Variants in ATP2B2 observed in about 807,000 individuals in gnomAD.
The protein encoded by ATP2B2 is ATPase plasma membrane Ca2+ transporting 2.
Under a neutral mutation model 120.0 loss-of-function variants are expected in ATP2B2, and 15 were observed. The ratio of observed to expected loss-of-function variants is 0.12; its 90% confidence interval spans 0.08 to 0.19. The LOEUF is 0.19. ATP2B2 is among the 10% of genes least tolerant of loss of function. ATP2B2 has a pLI of 1.00. For missense variants in ATP2B2, 1,045 were observed against 1,719.8 expected (o/e 0.61, Z 6.94); for synonymous variants, 694 against 700.3 (o/e 0.99, Z 0.14).
chr3:10,364,003 A>G (rs2060973335), intron 12 of ATP2B2, among the ~76,000 whole-genome samples: 1 of 152,246 alleles, frequency 6.6e-6, no homozygotes, highest in South Asian at 2.1e-4. Flanking sequence ...AGATGAATGG[A>G]TAAACAAAAT....
At chr3:10,658,662 A>G (rs1414292259) in intron 1 of ATP2B2, among the ~76,000 whole-genome samples, 1 of 152,164 alleles carries the variant, frequency 6.6e-6, no homozygotes, top group Non-Finnish European at 1.5e-5. Flanking sequence ...CAAGTTGGAA[A>G]ACACTCTTCA....
intron 22 of ATP2B2, among the ~76,000 whole-genome samples, chr3:10,333,073 G>A (rs1444781366): frequency 6.6e-6 from 1 of 152,174 alleles, no homozygotes; most frequent in African/African-American, 2.4e-5. Context: ...TTCATCTTGC[G>A]GTGGTGCCGT....
chr3:10,379,522 G>T (rs2061473262), intron 8 of ATP2B2, among the ~76,000 whole-genome samples: 1 of 152,186 alleles, frequency 6.6e-6, no homozygotes. Context: ...GGACTCAGGA[G>T]GGAGGTTTCT....
Position 10,346,985 on chromosome 3 carries a change from T to TC in ATP2B2, c.2405-849dup, listed in dbSNP as rs372286945. ...TTGTTTCCTCTCACTGACTCTGGAC[T>TC]CCCCCTCCAACTTGCTTCCCCACAG... On this transcript the variant is annotated intron_variant, in intron 16 of 22. Transcript: ENST00000360273. The surrounding 1 kb of genome is among the most constrained non-coding windows in gnomAD (Gnocchi z 4.1). Among the ~76,000 whole-genome samples, 1 of 152,004 alleles carries TC rather than the reference T, an allele frequency of 6.6e-6. No homozygotes were observed. The highest frequency in any genetic ancestry group is 1.5e-5 in the Non-Finnish European group (1 of 67,982).
chr3:10,462,785 C>T (rs2064550743), intron 1 of ATP2B2, among the ~76,000 whole-genome samples: 1 of 152,138 alleles, frequency 6.6e-6, no homozygotes, highest in South Asian at 2.1e-4. Context: ...GCTACCAGTG[C>T]CTATTTAAGA....
chr3:10,553,641 T>TG (rs376053899), intron 2 of ATP2B2, among the ~76,000 whole-genome samples: 226 of 152,156 alleles, frequency 1.5e-3, no homozygotes, highest in Non-Finnish European at 2.9e-3. Context: ...ATTGCAGAGC[T>TG]GGGGGGGAAA....
At position 10,657,684 on chromosome 3, in the gene ATP2B2, G is replaced by A. The variant is rs546297113; in HGVS notation, c.-459-37723C>T. ...CCACCTCTGGGGGCAGAGCATAGCC[G>A]AACAAAAGGCAGCAGAAACCTCTGC... On this transcript the variant is annotated intron_variant, in intron 1 of 21. Transcript: ENST00000646379. 1.3e-3 allele frequency among the ~76,000 whole-genome samples: 193 copies of A among 152,332 alleles called. 2 individuals are homozygous for A. Among genetic ancestry groups the A allele is most frequent in the African/African-American group, 4.0e-3 (167 of 41,578 alleles).
intron 5 of ATP2B2, chr3:10,394,480 G>A (rs1214300081): frequency 6.4e-6 from 3 of 471,092 alleles, no homozygotes; most frequent in Non-Finnish European, 8.8e-6. Flanking sequence ...TGGTGGAGCC[G>A]GGACTTGAAC....
chr3:10,391,094 G>A (rs942562604), intron 5 of ATP2B2, among the ~76,000 whole-genome samples: 1 of 152,180 alleles, frequency 6.6e-6, no homozygotes, highest in African/African-American at 2.4e-5. Context: ...GGCACAGAAA[G>A]CAGTAACAGC....
rs1039875542 is a variant in ATP2B2 at position 10,324,828 on chromosome 3, G to C, written c.*3986C>G. ...ACAAAAAACCAGTTCAGGAAAGGGA[G>C]ATAGGAATAAAGGTTTCTCCATGAT... On this transcript the variant is annotated 3_prime_UTR_variant, in exon 23 of 23. Coordinates refer to ENST00000360273, the MANE Select transcript of ATP2B2 (RefSeq NM_001001331.4). 2 of 152,332 alleles carry C rather than the reference G, an allele frequency of 1.3e-5. No homozygotes were observed. The highest frequency in any genetic ancestry group is 1.3e-4 in the Admixed American group (2 of 15,286). 9.4% of individuals were successfully genotyped at this position (152,332 alleles called of 1,614,324 possible).
chr3:10,356,511 A>G (rs1331802477), intron 14 of ATP2B2, among the ~76,000 whole-genome samples: 1 of 152,244 alleles, frequency 6.6e-6, no homozygotes, highest in Non-Finnish European at 1.5e-5. Context: ...TTACTGAGTC[A>G]TGACATAAAA....
At chr3:10,471,614 CAG>C (rs1282511481) in intron 1 of ATP2B2, among the ~76,000 whole-genome samples, 2 of 151,564 alleles carry the variant, frequency 1.3e-5, no homozygotes, top group Non-Finnish European at 2.9e-5. Context: ...GGGAGAGAAA[CAG>C]AGACTGACTT....
intron 5 of ATP2B2, 50 bp from the exon 6 acceptor site, chr3:10,388,452 T>C: frequency 1.2e-6 from 2 of 1,613,446 alleles, no homozygotes; most frequent in Non-Finnish European, 1.7e-6. Context: ...TGAAGCCGTC[T>C]CCCCAAAGGA....
chr3:10,559,110 C>A (rs760102193), intron 2 of ATP2B2, among the ~76,000 whole-genome samples: 6 of 152,230 alleles, frequency 3.9e-5, no homozygotes, highest in Non-Finnish European at 5.9e-5. Flanking sequence ...GCAAGTCCCC[C>A]CAGGAGGGGT....
At chr3:10,382,197 ATTTT>A (rs58615119) in intron 8 of ATP2B2, among the ~76,000 whole-genome samples, 3 of 122,302 alleles carry the variant, frequency 2.5e-5, no homozygotes, top group South Asian at 2.8e-4. Context: ...AGCTAATTAA[ATTTT>A]TTTTTTTTTT....
intron 1 of ATP2B2, among the ~76,000 whole-genome samples, chr3:10,456,187 A>C (rs1039451463): frequency 6.6e-6 from 1 of 152,258 alleles, no homozygotes; most frequent in African/African-American, 2.4e-5. Flanking sequence ...CCCCAAACCA[A>C]CAGCTTTTCA....
rs1374348484 is a variant in ATP2B2, at chr3:10,325,571, G to A, written c.*3243C>T. ...CAGTGCAGTCATTTTAATTGGTCCA[G>A]TCTCAGAAATAGGACTGCCTCTCTC... On this transcript the variant is annotated 3_prime_UTR_variant, in exon 23 of 23. Coordinates refer to ENST00000360273, the MANE Select transcript of ATP2B2 (RefSeq NM_001001331.4). 6.6e-6 allele frequency: 1 copy of A among 152,214 alleles called. No homozygotes were observed. Among genetic ancestry groups the A allele is most frequent in the Non-Finnish European group, 1.5e-5 (1 of 68,060 alleles). The allele number at this position is 152,214 out of a possible 1,614,324, so 9.4% of individuals were successfully genotyped here.
chr3:10,665,387 T>C (rs2070901286), intron 1 of ATP2B2, among the ~76,000 whole-genome samples: 1 of 152,180 alleles, frequency 6.6e-6, no homozygotes, highest in Non-Finnish European at 1.5e-5. Flanking sequence ...CTGAGCATGC[T>C]GGCTGGGCTG....
chr3:10,646,404 C>T (rs566044154), intron 1 of ATP2B2, among the ~76,000 whole-genome samples: 8 of 152,280 alleles, frequency 5.3e-5, no homozygotes, highest in Admixed American at 4.6e-4. Flanking sequence ...CCTTCCACCT[C>T]CCCAAGTCAG....
Sources: gnomAD v4.1 joint callset for allele counts (sites outside exome capture counted in the v4.1 genomes callset) on GRCh38, gnomAD v4.1.1 for gene constraint, Gnocchi (gnomAD v3.1) non-coding constraint, MANE v1.5 for transcripts, NCBI Gene and HGNC (gene_info 2026-07-23, HGNC 2026-07-21) for gene names.